KCNIP4: variants seen among roughly 807,000 people sequenced by gnomAD.
KCNIP4 encodes potassium voltage-gated channel interacting protein 4.
A neutral mutation model predicts 34.0 loss-of-function variants in KCNIP4; 12 were observed. The observed-to-expected ratio is 0.35, with a 90% CI of 0.23 to 0.57. KCNIP4 has a LOEUF of 0.57. KCNIP4 is among the 20% of genes least tolerant of loss of function. The pLI, the probability that KCNIP4 is intolerant of heterozygous loss-of-function variation, is 0.83. For missense variants in KCNIP4, 238 were observed against 311.7 expected (o/e 0.76, Z 1.78); for synonymous variants, 124 against 102.2 (o/e 1.21, Z -1.29).
intron 1 of KCNIP4, chr4:21,850,010 A>G (rs1434016113): frequency 6.6e-6 from 1 of 152,154 alleles, no homozygotes; most frequent in Non-Finnish European, 1.5e-5. Flanking sequence ...CAGTATTCCT[A>G]CAACACATTT....
rs185815583 is a variant in KCNIP4, at chr4:20,898,656, C to A, written c.62-15947G>T. 1.6e-4 allele frequency among the ~76,000 whole-genome samples: 24 copies of A among 152,232 alleles called. No homozygotes were observed. The East Asian group carries it at 4.1e-3, about 26-fold the overall frequency. On this transcript the variant is annotated intron_variant, in intron 1 of 8. Transcript: ENST00000382152. Reference sequence around the variant, plus strand: ...GCTTTTACTGCTTTATATCTAGCACCTAAGTATCTGGGACATAGTAGAGTC... The same window carrying A: ...GCTTTTACTGCTTTATATCTAGCACATAAGTATCTGGGACATAGTAGAGTC...
At chr4:21,596,215 A>G (rs1250879735) in intron 1 of KCNIP4, among the ~76,000 whole-genome samples, 1 of 152,156 alleles carries the variant, frequency 6.6e-6, no homozygotes, top group Non-Finnish European at 1.5e-5. Context: ...TACTAATTCA[A>G]CTAATATTTA....
At chr4:21,868,894 T>G (rs1020249519) in intron 1 of KCNIP4, among the ~76,000 whole-genome samples, 2 of 152,214 alleles carry the variant, frequency 1.3e-5, no homozygotes, top group East Asian at 3.9e-4. Flanking sequence ...GACAGGTTGA[T>G]AGCAAAAGGT....
intron 1 of KCNIP4, among the ~76,000 whole-genome samples, chr4:21,021,848 AAGTAT>A (rs1209181829): frequency 1.5e-5 from 2 of 134,396 alleles, no homozygotes; most frequent in African/African-American, 5.4e-5. Flanking sequence ...TAATAATGAA[AAGTAT>A]AGTATCGTAT....
At chr4:21,316,210 A>G (rs903709292) in intron 1 of KCNIP4, 1 of 152,216 alleles carries the variant, frequency 6.6e-6, no homozygotes, top group Non-Finnish European at 1.5e-5. Flanking sequence ...GCAGGTTGAC[A>G]TACTATGTCC....
At chr4:20,874,937 A>G (rs1227450059) in intron 2 of KCNIP4, among the ~76,000 whole-genome samples, 1 of 152,154 alleles carries the variant, frequency 6.6e-6, no homozygotes, top group Non-Finnish European at 1.5e-5. Flanking sequence ...ATGGACAGTG[A>G]AGTACCACAA....
At chr4:21,847,204 T>C (rs990279509) in intron 1 of KCNIP4, 1 of 152,116 alleles carries the variant, frequency 6.6e-6, no homozygotes, top group Non-Finnish European at 1.5e-5. Context: ...CATTTTATAA[T>C]AAAAGCACCC....
At chr4:21,028,597 T>C (rs976602865) in intron 1 of KCNIP4, among the ~76,000 whole-genome samples, 1 of 152,170 alleles carries the variant, frequency 6.6e-6, no homozygotes, top group African/African-American at 2.4e-5. Context: ...TCCCACACTC[T>C]CTTCCTTCCT....
chr4:21,371,038 G>A (rs1720397051), intron 1 of KCNIP4, among the ~76,000 whole-genome samples: 1 of 141,208 alleles, frequency 7.1e-6, no homozygotes, highest in Admixed American at 6.8e-5. Flanking sequence ...GTGCATGTCT[G>A]GTGGGGGTAG....
intron 1 of KCNIP4, among the ~76,000 whole-genome samples, chr4:21,936,329 C>T (rs1045880377): frequency 2.0e-5 from 3 of 152,100 alleles, no homozygotes; most frequent in African/African-American, 7.2e-5. Flanking sequence ...TTGCTTGGCT[C>T]TCGTTCTCTT....
At chr4:20,757,736 A>G (rs1473655128) in intron 4 of KCNIP4, among the ~76,000 whole-genome samples, 1 of 152,192 alleles carries the variant, frequency 6.6e-6, no homozygotes, top group Non-Finnish European at 1.5e-5. Context: ...AAATGGATCA[A>G]ACTCTCTGCA....
intron 1 of KCNIP4, among the ~76,000 whole-genome samples, chr4:21,819,886 T>C (rs539223202): frequency 6.6e-6 from 1 of 152,254 alleles, no homozygotes; most frequent in African/African-American, 2.4e-5. Flanking sequence ...ATTTGGTCTC[T>C]TTTAGGGAAA....
chr4:21,191,720 T>C (rs566654833), intron 1 of KCNIP4, among the ~76,000 whole-genome samples: 1 of 152,332 alleles, frequency 6.6e-6, no homozygotes, highest in Non-Finnish European at 1.5e-5. Flanking sequence ...AAATGATGTA[T>C]GAAACCAATT....
rs777493931 is a variant in KCNIP4, at chr4:21,629,849, C to CTTTCT, written c.61+318721_61+318722insAGAAA. 4.1e-4 allele frequency among the ~76,000 whole-genome samples: 36 copies of CTTTCT among 87,792 alleles called. 2 individuals carry two copies. In the East Asian group the frequency reaches 5.3e-3, roughly 13 times the overall value. The allele number at this position is 87,792 out of a possible 152,430, so 57.6% of individuals were successfully genotyped here. On this transcript the variant is annotated intron_variant, in intron 1 of 8. Transcript: ENST00000382152. ...ACCATATTTCCTTTTCTTTTTCTTT[C>CTTTCT]TTTTTTTTTTTTTTTTTTTGAGACA...
intron 1 of KCNIP4, among the ~76,000 whole-genome samples, chr4:21,199,732 A>ACATGCACACATATGCTTATTGCAG: frequency 6.6e-6 from 1 of 151,236 alleles, no homozygotes; most frequent in South Asian, 2.1e-4. Flanking sequence ...CTATAAAGAT[A>ACATGCACACATATGCTTATTGCAG]CATGCACACA....
intron 1 of KCNIP4, among the ~76,000 whole-genome samples, chr4:21,929,852 T>A (rs1428987027): frequency 1.3e-5 from 2 of 152,142 alleles, no homozygotes; most frequent in African/African-American, 4.8e-5. Context: ...TGGCCAAATA[T>A]TGGAAAACTT....
intron 1 of KCNIP4, among the ~76,000 whole-genome samples, chr4:21,082,870 T>TCTAC (rs1746118911): frequency 8.5e-6 from 1 of 117,126 alleles, no homozygotes; most frequent in African/African-American, 3.4e-5. Context: ...GGTTATTCTA[T>TCTAC]CTATCTATCT....
At chr4:21,920,226 T>G (rs1054840320) in intron 1 of KCNIP4, among the ~76,000 whole-genome samples, 1 of 152,184 alleles carries the variant, frequency 6.6e-6, no homozygotes, top group Non-Finnish European at 1.5e-5. Context: ...TAAATACAAC[T>G]GAGTACAGTT....
chr4:20,913,782 T>G (rs1346061169), intron 1 of KCNIP4, among the ~76,000 whole-genome samples: 1 of 152,218 alleles, frequency 6.6e-6, no homozygotes, highest in Non-Finnish European at 1.5e-5. Context: ...CTTCCTCATC[T>G]GTAAATGGGA....
Sources: allele counts gnomAD v4.1 joint callset (sites outside exome capture counted in the v4.1 genomes callset), GRCh38; gene constraint gnomAD v4.1.1; transcripts MANE v1.5; gene names NCBI Gene and HGNC (gene_info 2026-07-23, HGNC 2026-07-21).